DSCAM: variants seen among roughly 807,000 people sequenced by gnomAD.
DSCAM encodes the protein cell adhesion molecule DSCAM.
In DSCAM, 47 loss-of-function variants were observed where a neutral mutation model predicts 217.7. That is an observed-to-expected ratio of 0.22 (90% CI 0.17 to 0.28). DSCAM has a LOEUF of 0.28. Ranked by LOEUF, DSCAM falls within the 10% of genes least tolerant of loss-of-function variation. The pLI is 1.00. For synonymous variants in DSCAM, 1,056 were observed against 1,015.3 expected (o/e 1.04, Z -0.76); for missense variants, 2,080 against 2,618.3 (o/e 0.79, Z 4.49).
intron 3 of DSCAM, among the ~76,000 whole-genome samples, chr21:40,582,102 G>A (rs935136190): frequency 2.6e-5 from 4 of 152,044 alleles, no homozygotes; most frequent in Non-Finnish European, 4.4e-5. Context: ...AGTATTTAAC[G>A]GTACCTGATT....
intron 3 of DSCAM, among the ~76,000 whole-genome samples, chr21:40,547,379 C>T (rs919969188): frequency 6.6e-6 from 1 of 152,160 alleles, no homozygotes; most frequent in Admixed American, 6.5e-5. Context: ...ACCTATCACC[C>T]GGAGGGACGT....
At chr21:40,735,594 C>T (rs1050220546) in intron 1 of DSCAM, among the ~76,000 whole-genome samples, 1 of 152,126 alleles carries the variant, frequency 6.6e-6, no homozygotes, top group Non-Finnish European at 1.5e-5. Flanking sequence ...TTTGAAATGT[C>T]ATTGCATCCT....
intron 4 of DSCAM, among the ~76,000 whole-genome samples, chr21:40,357,726 G>T (rs955032539): frequency 4.0e-4 from 61 of 152,158 alleles, no homozygotes; most frequent in African/African-American, 1.4e-3. Flanking sequence ...TGCGGGGAGG[G>T]GGGAGAGATA....
intron 11 of DSCAM, among the ~76,000 whole-genome samples, chr21:40,218,512 T>C (rs2091263408): frequency 6.6e-6 from 1 of 152,236 alleles, no homozygotes; most frequent in African/African-American, 2.4e-5. Flanking sequence ...CAAAAATTTT[T>C]TTCTAGTTCT....
intron 32 of DSCAM, among the ~76,000 whole-genome samples, chr21:40,014,392 CAA>C (rs1902520492): frequency 6.6e-6 from 1 of 151,846 alleles, no homozygotes; most frequent in Non-Finnish European, 1.5e-5. Flanking sequence ...TCAAACAAAA[CAA>C]AACAAAACAA....
rs145880828 is a variant in DSCAM, at chr21:40,146,697, G to A, written c.3019-1966C>T. ...CAGCAGGTGTCAGTGAAACAGTCGC[G>A]TAAACCATTTATTTATTTGTATCTG... is the stretch of plus-strand genomic sequence containing the variant. On this transcript the variant is annotated intron_variant, in intron 16 of 32. Transcript: ENST00000400454. 7.8e-4 allele frequency among the ~76,000 whole-genome samples: 119 copies of A among 152,256 alleles called. No homozygotes were observed. The East Asian group carries it at 8.1e-3, about 10-fold the overall frequency.
At position 40,042,514 on chromosome 21, in the gene DSCAM, G is replaced by A. The variant is rs1292026656; in HGVS notation, c.5543C>T (p.Thr1848Met). 5.6e-6 allele frequency: 9 copies of A among 1,614,082 alleles called. No individual in the cohort carries two copies. Among genetic ancestry groups the A allele is most frequent in the East Asian group, 4.5e-5 (2 of 44,880 alleles). The change falls in exon 32 of 33, where the codon ACG (threonine) becomes ATG (methionine). Residue 1848 changes from threonine (T) to methionine (M), a missense_variant. Transcript: ENST00000400454. ...GTCCGTGTACTCATTTGTCCCTGCC[G>A]TCAACTGCTCCGATGACGTGTCTGA... The part of the protein sequence containing the change: ...FISDTSSEQL[T>M]AGTNEYTDSL...
At chr21:40,541,627 TAC>T (rs1005379361) in intron 3 of DSCAM, among the ~76,000 whole-genome samples, 2 of 152,174 alleles carry the variant, frequency 1.3e-5, no homozygotes, top group African/African-American at 4.8e-5. Context: ...GTGTGGTCTA[TAC>T]ACACACATAA....
intron 1 of DSCAM, among the ~76,000 whole-genome samples, chr21:40,740,753 A>T (rs973052913): frequency 5.9e-5 from 9 of 152,212 alleles, no homozygotes; most frequent in Non-Finnish European, 8.8e-5. Flanking sequence ...GACAGGGAGG[A>T]TGGCAAGTGT....
chr21:40,420,036 G>A (rs2075408242), intron 3 of DSCAM, among the ~76,000 whole-genome samples: 1 of 151,982 alleles, frequency 6.6e-6, no homozygotes, highest in East Asian at 1.9e-4. Flanking sequence ...CATATTAAGG[G>A]ACTGATAATA....
chr21:40,033,323 A>G (rs148878512), intron 32 of DSCAM, among the ~76,000 whole-genome samples: 2,519 of 151,612 alleles, frequency 0.017, 73 homozygotes, highest in African/African-American at 0.057. Flanking sequence ...TGTGCACACC[A>G]TGCGCGAGCC....
chr21:40,438,043 C>T (rs2075599195), intron 3 of DSCAM, among the ~76,000 whole-genome samples: 1 of 152,168 alleles, frequency 6.6e-6, no homozygotes. Context: ...TATGCTGACA[C>T]CAACACCTGA....
At chr21:40,236,991 C>G (rs2073088746) in intron 11 of DSCAM, among the ~76,000 whole-genome samples, 2 of 152,230 alleles carry the variant, frequency 1.3e-5, no homozygotes, top group African/African-American at 4.8e-5. Flanking sequence ...GCCCATCACA[C>G]ATCCCAGCGC....
In DSCAM at chr21:40,702,212, G is replaced by GGCAGTGAAACTGTTCTTTAT. The variant is rs1436087205; in HGVS notation, c.361+6222_361+6241dup. Among the ~76,000 whole-genome samples the GGCAGTGAAACTGTTCTTTAT allele has an allele frequency of 8.5e-5, 13 of 152,158 alleles. No homozygotes were observed. In the East Asian group the frequency reaches 2.1e-3, roughly 25 times the overall value. ...AGCTCTGAGCACAGGGGATTTTTAGGGCAGTGAAACTGTTCTTTATGATAC... is the reference window on the plus strand; with the variant it reads ...AGCTCTGAGCACAGGGGATTTTTAGGGCAGTGAAACTGTTCTTTATGCAGTGAAACTGTTCTTTATGATAC... On this transcript the variant is annotated intron_variant, in intron 2 of 32. Coordinates refer to ENST00000400454, the MANE Select transcript of DSCAM (RefSeq NM_001389.5).
intron 3 of DSCAM, among the ~76,000 whole-genome samples, chr21:40,372,424 G>A (rs1439867469): frequency 1.1e-4 from 16 of 152,022 alleles, no homozygotes; most frequent in Admixed American, 2.0e-4. Flanking sequence ...CATTTTAACC[G>A]GACACAGTTC....
intron 3 of DSCAM, among the ~76,000 whole-genome samples, chr21:40,378,434 A>G (rs2074984743): frequency 6.6e-6 from 1 of 152,090 alleles, no homozygotes; most frequent in African/African-American, 2.4e-5. Context: ...CAAGTGTGAG[A>G]CTTGCATACT....
At chr21:40,041,342 A>G (rs927268705) in intron 32 of DSCAM, among the ~76,000 whole-genome samples, 2 of 152,232 alleles carry the variant, frequency 1.3e-5, no homozygotes, top group Admixed American at 1.3e-4. Context: ...TGAGAACTAC[A>G]CTTGGCTGCC....
At chr21:40,099,575 T>C (rs1331070383) in intron 20 of DSCAM, among the ~76,000 whole-genome samples, 1 of 152,230 alleles carries the variant, frequency 6.6e-6, no homozygotes, top group Non-Finnish European at 1.5e-5. Context: ...CTGAACAATT[T>C]AAACCATCAG....
intron 3 of DSCAM, among the ~76,000 whole-genome samples, chr21:40,492,539 T>C (rs950798972): frequency 4.0e-5 from 6 of 150,508 alleles, no homozygotes; most frequent in Non-Finnish European, 5.9e-5. Context: ...AGCAGTGAGA[T>C]TGACATTTTT....
Sources: gnomAD v4.1 joint callset for allele counts (sites outside exome capture counted in the v4.1 genomes callset) on GRCh38, gnomAD v4.1.1 for gene constraint, MANE v1.5 for transcripts, NCBI Gene and HGNC (gene_info 2026-07-23, HGNC 2026-07-21) for gene names.